Variants in MYT1L observed in about 807,000 individuals in gnomAD.
MYT1L encodes myelin transcription factor 1 like.
A neutral mutation model predicts 126.7 loss-of-function variants in MYT1L; 12 were observed. The ratio of observed to expected loss-of-function variants is 0.09; its 90% CI spans 0.06 to 0.15. The LOEUF (loss-of-function observed/expected upper bound fraction) is 0.15. Ranked by LOEUF, MYT1L falls within the 10% of genes least tolerant of loss-of-function variation. The pLI is 1.00. For missense variants in MYT1L, 979 were observed against 1,585.2 expected, an observed-to-expected ratio of 0.62 and a Z score of 6.49; for synonymous variants, 541 against 604.2, an observed-to-expected ratio of 0.90 and a Z score of 1.53.
chr2:1,899,556 C>T (rs944146498), intron 14 of MYT1L, among the ~76,000 whole-genome samples: 5 of 152,176 alleles, frequency 3.3e-5, no homozygotes, highest in South Asian at 2.1e-4. Context: ...CTATAGACAA[C>T]GTGAAGCCCC....
In MYT1L at chr2:1,851,664, G is replaced by A. The variant is rs373600507; in HGVS notation, c.2751C>T (p.Thr917=). The part of the protein sequence containing the change: ...TPGCDGSGHI[T]GNYASHRSLS... ...ACCTCCGATGAGAAGCATAATTGCC[G>A]GTGATATGTCCAGAACCATCACAGC... The change falls in exon 19 of 25, where the codon ACC becomes ACT. Residue 917 remains threonine, a synonymous_variant. Transcript: ENST00000647738. The A allele has an allele frequency of 6.3e-5, 102 of 1,613,798 alleles. No individual in the cohort carries two copies. The highest frequency in any genetic ancestry group is 3.9e-4 in the African/African-American group (29 of 75,028).
chr2:2,225,737 TG>T (rs1307154646), intron 2 of MYT1L, among the ~76,000 whole-genome samples: 1 of 151,608 alleles, frequency 6.6e-6, no homozygotes, highest in East Asian at 1.9e-4. Flanking sequence ...TTAATTAGAG[TG>T]GGTAGCTAGG....
intron 4 of MYT1L, among the ~76,000 whole-genome samples, chr2:2,005,610 ATGTTCTTTCCTGCATG>A (rs2063205014): frequency 9.2e-6 from 1 of 109,116 alleles, no homozygotes; most frequent in Non-Finnish European, 1.9e-5. Flanking sequence ...TTTCCTGCAT[ATGTTCTTTCCTGCATG>A]TGTTTTTTCC....
intron 20 of MYT1L, 31 bp from the exon 21 acceptor site, chr2:1,839,401 T>C (rs1300313542): frequency 2.5e-6 from 4 of 1,587,120 alleles, no homozygotes; most frequent in Non-Finnish European, 3.4e-6. Flanking sequence ...CACACTTTAT[T>C]GTCTGGCCAC....
chr2:1,924,348 A>G (rs2053949745), intron 9 of MYT1L, among the ~76,000 whole-genome samples: 1 of 152,206 alleles, frequency 6.6e-6, no homozygotes, highest in South Asian at 2.1e-4. Context: ...TCCTAAATGT[A>G]TCTGTACCCT....
At chr2:2,064,295 T>C (rs2070936557) in intron 3 of MYT1L, among the ~76,000 whole-genome samples, 1 of 152,206 alleles carries the variant, frequency 6.6e-6, no homozygotes, top group Admixed American at 6.5e-5. Context: ...TCAGACCCCC[T>C]GAGTACCTTG....
At chr2:1,944,831 C>T (rs968055828) in intron 8 of MYT1L, among the ~76,000 whole-genome samples, 1 of 152,160 alleles carries the variant, frequency 6.6e-6, no homozygotes, top group African/African-American at 2.4e-5. Flanking sequence ...ACTCAATAGG[C>T]ATTTGCGGAA....
intron 1 of MYT1L, among the ~76,000 whole-genome samples, chr2:2,290,479 A>G (rs944610236): frequency 6.6e-6 from 1 of 152,350 alleles, no homozygotes; most frequent in African/African-American, 2.4e-5. Context: ...AAGGACTTAC[A>G]TTTTAAGGAA....
intron 2 of MYT1L, among the ~76,000 whole-genome samples, chr2:2,193,079 G>A (rs1258409406): frequency 3.3e-5 from 5 of 152,106 alleles, no homozygotes; most frequent in African/African-American, 4.8e-5. Context: ...TCCTGCCTCA[G>A]TGATTCTCCT....
At chr2:1,879,234 T>A (rs1193253745) in intron 18 of MYT1L, among the ~76,000 whole-genome samples, 1 of 152,198 alleles carries the variant, frequency 6.6e-6, no homozygotes, top group East Asian at 1.9e-4. Context: ...TGTCAATCAT[T>A]TCCCAAAGGG....
chr2:2,123,860 G>A (rs1308869499), intron 3 of MYT1L, among the ~76,000 whole-genome samples: 11 of 152,180 alleles, frequency 7.2e-5, no homozygotes, highest in Admixed American at 5.2e-4. Context: ...AGAAGTAGAC[G>A]TGATGGTGAA....
chr2:2,118,520 A>C (rs2147853505), intron 3 of MYT1L, among the ~76,000 whole-genome samples: 1 of 152,350 alleles, frequency 6.6e-6, no homozygotes, highest in East Asian at 1.9e-4. Context: ...CATAGCCATA[A>C]AATCAATTAC....
Position 1,889,906 on chromosome 2 carries a change from A to G in MYT1L, c.2284-429T>C, listed in dbSNP as rs2048634968. Among the ~76,000 whole-genome samples the G allele has an allele frequency of 6.6e-6, 1 of 152,202 alleles. No homozygotes were observed. Among genetic ancestry groups the G allele is most frequent in the Admixed American group, 6.5e-5 (1 of 15,286 alleles). ...TTTGTGTGTATGCATGTGTGCATATACATGTATGTGCATGTGTGTGTGTGT... is the reference window on the plus strand; with the variant it reads ...TTTGTGTGTATGCATGTGTGCATATGCATGTATGTGCATGTGTGTGTGTGT... On this transcript the variant is annotated intron_variant, in intron 15 of 24. Transcript: ENST00000647738. This position sits in a 1 kb window ranked among gnomAD's most constrained non-coding sequence, Gnocchi z 4.1.
chr2:1,912,179 C>T lies in MYT1L; in HGVS notation c.1619-69G>A, dbSNP rs1300943303. 4.3e-6 allele frequency: 5 copies of T among 1,162,572 alleles called. No homozygotes were observed. Among genetic ancestry groups the T allele is most frequent in the East Asian group, 2.6e-5 (1 of 38,568 alleles). 72.0% of individuals were successfully genotyped at this position (1,162,572 alleles called of 1,614,324 possible). A position where few individuals can be genotyped will look rare whatever the true frequency, so the allele number is the denominator to read the frequency against. On this transcript the variant is annotated intron_variant, in intron 11 of 24. Coordinates refer to ENST00000647738, the MANE Select transcript of MYT1L (RefSeq NM_001303052.2). This position sits in a 1 kb window ranked among gnomAD's most constrained non-coding sequence, Gnocchi z 4.3. ...GGCACGGTTAGGGCACATGAAAATG[C>T]AGTCATTTAACAAAGGCCAGGTCGC... is the stretch of plus-strand genomic sequence containing the variant.
chr2:2,282,562 G>C (rs2149409511), intron 2 of MYT1L, among the ~76,000 whole-genome samples: 1 of 152,242 alleles, frequency 6.6e-6, no homozygotes, highest in South Asian at 2.1e-4. Context: ...AATGTATATA[G>C]TCTTGAGTCA....
intron 22 of MYT1L, among the ~76,000 whole-genome samples, chr2:1,807,833 G>T (rs905221569): frequency 6.6e-6 from 1 of 152,080 alleles, no homozygotes; most frequent in Non-Finnish European, 1.5e-5. Context: ...CTGTTAATAT[G>T]GTTTGGCTGT....
intron 3 of MYT1L, among the ~76,000 whole-genome samples, chr2:2,125,875 A>G (rs1159355210): frequency 6.6e-6 from 1 of 152,194 alleles, no homozygotes; most frequent in African/African-American, 2.4e-5. Context: ...CTTTTCAAAC[A>G]CACCAAGAGA....
At chr2:1,960,214 C>T (rs1399452633) in intron 8 of MYT1L, among the ~76,000 whole-genome samples, 1 of 152,138 alleles carries the variant, frequency 6.6e-6, no homozygotes, top group Non-Finnish European at 1.5e-5. Flanking sequence ...AAGGATATGG[C>T]CTCTGAGGAA....
At chr2:1,851,779 A>C in intron 18 of MYT1L, 76 bp from the exon 19 acceptor site, 2 of 1,414,252 alleles carry the variant, frequency 1.4e-6, no homozygotes, top group Non-Finnish European at 1.0e-6. Flanking sequence ...TTTTTAATCC[A>C]AAAAGCAAAC....
Sources: gnomAD v4.1 joint callset for allele counts (sites outside exome capture counted in the v4.1 genomes callset) on GRCh38, gnomAD v4.1.1 for gene constraint, Gnocchi (gnomAD v3.1) non-coding constraint, MANE v1.5 for transcripts, NCBI Gene and HGNC (gene_info 2026-07-23, HGNC 2026-07-21) for gene names.